The following ZYG11A variants were observed in gnomAD, a reference collection of about 807,000 sequenced individuals.
The protein encoded by ZYG11A is protein zyg-11 homolog A.
Under a neutral mutation model 77.2 loss-of-function variants are expected in ZYG11A, and 62 were observed. The ratio of observed to expected loss-of-function variants is 0.80; its 90% confidence interval spans 0.65 to 0.99. ZYG11A has a LOEUF of 0.99. Among genes scored for constraint, ZYG11A ranks in the 50% least tolerant of loss-of-function variants. The pLI is 0.00. For missense variants in ZYG11A, 828 were observed against 896.8 expected (o/e 0.92, Z 0.98); for synonymous variants, 315 against 324.6 (o/e 0.97, Z 0.32).
chr1:52,843,181 G>GA (rs1310599612), intron 1 of ZYG11A, among the ~76,000 whole-genome samples: 2 of 152,240 alleles, frequency 1.3e-5, no homozygotes, highest in East Asian at 3.9e-4. Flanking sequence ...CCGCGGAGCG[G>GA]GGGGTGCTTT....
In ZYG11A at chr1:52,852,351, A is replaced by C. The variant is rs1455019985; in HGVS notation, c.91-2114A>C. On this transcript the variant is annotated intron_variant, in intron 1 of 13. Coordinates refer to ENST00000371528, the MANE Select transcript of ZYG11A (RefSeq NM_001004339.3). ...AGTGAGCCTCTGCACCTGGCCCGACAGTTAATTTTAGAGCAAATTTTTTTT... is the reference window on the plus strand; with the variant it reads ...AGTGAGCCTCTGCACCTGGCCCGACCGTTAATTTTAGAGCAAATTTTTTTT... 2.0e-5 allele frequency among the ~76,000 whole-genome samples: 3 copies of C among 148,728 alleles called. No homozygotes were observed. The Admixed American group carries it at 2.0e-4, about 10-fold the overall frequency.
intron 13 of ZYG11A, among the ~76,000 whole-genome samples, chr1:52,891,984 C>T (rs926775221): frequency 3.3e-5 from 5 of 151,430 alleles, no homozygotes; most frequent in African/African-American, 1.2e-4. Context: ...ACTGCAAGCT[C>T]ACCTCCCAGG....
At chr1:52,854,336 C>T (rs1306188664) in intron 1 of ZYG11A, 129 bp from the exon 2 acceptor site, 2 of 836,496 alleles carry the variant, frequency 2.4e-6, no homozygotes, top group Non-Finnish European at 3.4e-6. Flanking sequence ...ACATATAAAT[C>T]ATTACTAGAG....
intron 12 of ZYG11A, among the ~76,000 whole-genome samples, chr1:52,886,389 A>G (rs1646451178): frequency 6.6e-6 from 1 of 152,332 alleles, no homozygotes; most frequent in Admixed American, 6.5e-5. Flanking sequence ...ACAGTGTGCA[A>G]GATTGAGGAT....
Position 52,857,117 on chromosome 1 carries a change from A to G in ZYG11A, c.376A>G (p.Lys126Glu), listed in dbSNP as rs1458792730. 1.9e-6 allele frequency: 3 copies of G among 1,551,846 alleles called. No individual in the cohort carries two copies. The highest frequency in any genetic ancestry group is 1.2e-5 in the South Asian group (1 of 84,062). The change falls in exon 3 of 14, where the codon AAG becomes GAG. Residue 126 changes from lysine (K) to glutamate (E), a missense_variant. By Grantham distance (56) the Lys-to-Glu change is moderately conservative. Transcript: ENST00000371528. ...ATTCATAAAAGCCTTCTGCCGTCAT[A>G]AGCTCATTGAACTGAATGCTACTGC... Reference protein sequence around the residue: ...AAFIKAFCRHKLIELNATAVH... With the variant: ...AAFIKAFCRHELIELNATAVH...
chr1:52,867,989 C>CA (rs1388150674), intron 8 of ZYG11A, among the ~76,000 whole-genome samples: 2 of 99,622 alleles, frequency 2.0e-5, no homozygotes, highest in Non-Finnish European at 3.5e-5. Context: ...TTTTTTGAGA[C>CA]AGAGTCTCAC....
intron 1 of ZYG11A, among the ~76,000 whole-genome samples, chr1:52,852,628 T>C (rs1019055792): frequency 4.6e-5 from 7 of 152,168 alleles, no homozygotes; most frequent in African/African-American, 1.7e-4. Flanking sequence ...CCTCCCAAAA[T>C]GCACGAATTA....
chr1:52,862,414 C>T (rs11580124), intron 4 of ZYG11A, among the ~76,000 whole-genome samples: 8,438 of 150,426 alleles, frequency 0.056, 391 homozygotes, highest in African/African-American at 0.13. Context: ...CGGGTTCACA[C>T]CATTCTCCTG....
chr1:52,842,856 T>G lies in ZYG11A; in HGVS notation c.-28T>G, dbSNP rs1338915112. The G allele has an allele frequency of 1.3e-6, 2 of 1,526,992 alleles. No individual in the cohort carries two copies. Among genetic ancestry groups the G allele is most frequent in the Admixed American group, 4.2e-5 (2 of 48,102 alleles). The allele number at this position is 1,526,992 out of a possible 1,614,324, so 94.6% of individuals were successfully genotyped here. A position where few individuals can be genotyped will look rare whatever the true frequency, so the allele number is the denominator to read the frequency against. On this transcript the variant is annotated 5_prime_UTR_variant, in exon 1 of 14. Transcript: ENST00000371528. ...GGGCTCCGGCTCGACGCCGGCTCTCTTTTTGACGCCCCGCCGCCGGGGTTG... is the reference window on the plus strand; with the variant it reads ...GGGCTCCGGCTCGACGCCGGCTCTCGTTTTGACGCCCCGCCGCCGGGGTTG...
chr1:52,874,722 C>T (rs1158371188), intron 8 of ZYG11A, among the ~76,000 whole-genome samples: 12 of 152,168 alleles, frequency 7.9e-5, no homozygotes, highest in Admixed American at 2.0e-4. Context: ...CAAAAATTAG[C>T]CGGGTGGGGT....
At chr1:52,879,885 C>T (rs1001554404) in intron 10 of ZYG11A, among the ~76,000 whole-genome samples, 6 of 151,810 alleles carry the variant, frequency 4.0e-5, no homozygotes, top group African/African-American at 1.5e-4. Flanking sequence ...ACTTCAGTCT[C>T]CCGAGTAGCT....
chr1:52,866,514 T>C lies in ZYG11A; in HGVS notation c.1338T>C (p.Asn446=). The C allele has an allele frequency of 1.1e-5, 17 of 1,517,464 alleles. No individual in the cohort carries two copies. Among genetic ancestry groups the C allele is most frequent in the Non-Finnish European group, 1.5e-5 (17 of 1,116,466 alleles). 94.0% of individuals were successfully genotyped at this position (1,517,464 alleles called of 1,614,324 possible). ...TTATTCTCTAAAAGTTACAGAAGAA[T>C]TGTCTTCTCTCCTTAACCAATTCCA... is the stretch of plus-strand genomic sequence containing the variant. ...NFPHYQQLQK[N]CLLSLTNSRI... The change falls in exon 6 of 14, where the codon AAT becomes AAC. Residue 446 remains asparagine, a synonymous_variant. Transcript: ENST00000371528.
intron 8 of ZYG11A, among the ~76,000 whole-genome samples, chr1:52,874,228 G>GCT (rs140571966): frequency 1.8e-5 from 2 of 112,744 alleles, no homozygotes; most frequent in South Asian, 2.9e-4. Flanking sequence ...GCGTTTTTTA[G>GCT]CTCTCTCTCT....
chr1:52,881,750 T>C (rs1646366213), intron 11 of ZYG11A, 85 bp downstream of exon 11: 8 of 1,104,376 alleles, frequency 7.2e-6, no homozygotes, highest in Non-Finnish European at 1.0e-5. Context: ...AATAATATGA[T>C]TGTAGAAAGT....
In ZYG11A at chr1:52,857,407, A is replaced by G; in HGVS notation, c.666A>G (p.Ala222=). The G allele has an allele frequency of 6.4e-7, 1 of 1,551,930 alleles. No homozygotes were observed. The highest frequency in any genetic ancestry group is 8.7e-7 in the Non-Finnish European group (1 of 1,147,024). Residue 222 remains alanine (A), a synonymous_variant, in exon 3 of 14, where the codon GCA becomes GCG. Coordinates refer to ENST00000371528, the MANE Select transcript of ZYG11A (RefSeq NM_001004339.3). ...ISNTLVTDIS[A]LLTCKDRLKS... is the part of the protein sequence containing the mutation. ...ATACTCTAGTCACTGATATTTCTGC[A>G]CTGCTTACCTGTAAGGATCGATTGA...
chr1:52,883,670 G>A (rs1314877422), intron 11 of ZYG11A, among the ~76,000 whole-genome samples: 1 of 151,798 alleles, frequency 6.6e-6, no homozygotes, highest in Non-Finnish European at 1.5e-5. Context: ...CAAGGGATCT[G>A]CCCACCTCAG....
chr1:52,843,244 G>T (rs1312617489), intron 1 of ZYG11A, among the ~76,000 whole-genome samples: 1 of 152,232 alleles, frequency 6.6e-6, no homozygotes, highest in African/African-American at 2.4e-5. Flanking sequence ...CGCGGCGAGA[G>T]CCCAGTCCCA....
At chr1:52,887,234 A>G (rs1208002561) in intron 13 of ZYG11A, among the ~76,000 whole-genome samples, 181 bp downstream of exon 13, 6 of 152,306 alleles carry the variant, frequency 3.9e-5, no homozygotes, top group African/African-American at 1.2e-4. Flanking sequence ...TTAGTAATCT[A>G]TTTGGGGGTA....
intron 8 of ZYG11A, among the ~76,000 whole-genome samples, chr1:52,875,720 ATG>A (rs1223511597): frequency 2.6e-5 from 4 of 150,954 alleles, no homozygotes; most frequent in Non-Finnish European, 4.4e-5. Flanking sequence ...GAATCTCTGT[ATG>A]TGCAGAAATT....
Sources: gnomAD v4.1 joint callset for allele counts (sites outside exome capture counted in the v4.1 genomes callset) on GRCh38, gnomAD v4.1.1 for gene constraint, MANE v1.5 for transcripts, NCBI Gene and HGNC (gene_info 2026-07-23, HGNC 2026-07-21) for gene names.